SNTG1: variants seen among roughly 807,000 people sequenced by gnomAD.
The protein encoded by SNTG1 is syntrophin gamma 1.
In SNTG1, 39 loss-of-function variants were observed where a neutral mutation model predicts 74.7. The observed-to-expected ratio is 0.52, with a 90% CI of 0.40 to 0.68. The LOEUF (loss-of-function observed/expected upper bound fraction) is 0.68. Ranked by LOEUF, SNTG1 falls within the 30% of genes least tolerant of loss-of-function variation. SNTG1 has a pLI of 0.00. For synonymous variants in SNTG1, 254 were observed against 217.1 expected (o/e 1.17, Z -1.49); for missense variants, 685 against 609.5 (o/e 1.12, Z -1.30).
intron 1 of SNTG1, among the ~76,000 whole-genome samples, chr8:49,994,824 G>A (rs887603401): frequency 3.9e-5 from 6 of 151,932 alleles, no homozygotes; most frequent in Non-Finnish European, 8.8e-5. Flanking sequence ...GTACCTCAAA[G>A]GTAGAGAATT....
intron 1 of SNTG1, among the ~76,000 whole-genome samples, chr8:50,027,939 C>T (rs994705486): frequency 1.7e-4 from 26 of 152,070 alleles, no homozygotes; most frequent in African/African-American, 5.8e-4. Context: ...ACAGAATATC[C>T]AGCATACCCT....
chr8:50,364,418 A>G (rs930655267), intron 2 of SNTG1, among the ~76,000 whole-genome samples: 2 of 152,188 alleles, frequency 1.3e-5, no homozygotes, highest in African/African-American at 4.8e-5. Context: ...ATGACATCGT[A>G]ATTTCACACA....
intron 17 of SNTG1, among the ~76,000 whole-genome samples, chr8:50,727,520 A>G (rs901150538): frequency 6.6e-6 from 1 of 152,126 alleles, no homozygotes; most frequent in Non-Finnish European, 1.5e-5. Context: ...TTTTTATGCT[A>G]AAGTGGGCCC....
At chr8:49,970,618 A>G (rs1410799548) in intron 1 of SNTG1, among the ~76,000 whole-genome samples, 7 of 152,212 alleles carry the variant, frequency 4.6e-5, no homozygotes, top group African/African-American at 4.8e-5. Flanking sequence ...CCTCTATTCC[A>G]TAAGATCACT....
chr8:50,258,035 A>C (rs1035164804), intron 2 of SNTG1, among the ~76,000 whole-genome samples: 1 of 152,238 alleles, frequency 6.6e-6, no homozygotes, highest in Admixed American at 6.5e-5. Context: ...GCACATGAGC[A>C]GTAATATGTC....
chr8:50,239,086 T>A (rs2086051685), intron 2 of SNTG1, among the ~76,000 whole-genome samples: 1 of 152,166 alleles, frequency 6.6e-6, no homozygotes, highest in South Asian at 2.1e-4. Context: ...CTTGGAGATT[T>A]CTCAAGGAGC....
At chr8:50,178,659 G>C (rs1305756283) in intron 2 of SNTG1, among the ~76,000 whole-genome samples, 1 of 152,020 alleles carries the variant, frequency 6.6e-6, no homozygotes, top group Admixed American at 6.6e-5. Context: ...AGGTGTCCAT[G>C]AATTCTATAA....
chr8:50,578,193 T>G (rs2094587611), intron 12 of SNTG1, among the ~76,000 whole-genome samples: 1 of 152,188 alleles, frequency 6.6e-6, no homozygotes, highest in Non-Finnish European at 1.5e-5. Flanking sequence ...CAGATGGAAA[T>G]GTAGACCCAA....
At chr8:50,322,104 A>T (rs889905582) in intron 2 of SNTG1, among the ~76,000 whole-genome samples, 1 of 118,752 alleles carries the variant, frequency 8.4e-6, no homozygotes, top group Admixed American at 9.4e-5. Flanking sequence ...AATTGCCTTT[A>T]GCATTTCTTC....
intron 2 of SNTG1, among the ~76,000 whole-genome samples, chr8:50,296,294 C>A (rs909430178): frequency 1.3e-5 from 2 of 152,182 alleles, no homozygotes; most frequent in African/African-American, 4.8e-5. Context: ...AATTATTCTA[C>A]TATAAAGACA....
intron 17 of SNTG1, among the ~76,000 whole-genome samples, chr8:50,725,646 G>A (rs2095498330): frequency 6.6e-6 from 1 of 152,206 alleles, no homozygotes; most frequent in South Asian, 2.1e-4. Flanking sequence ...ATTGCCTGAT[G>A]CCAGAGGACA....
chr8:50,344,992 T>C (rs1472412146), intron 2 of SNTG1, among the ~76,000 whole-genome samples: 1 of 152,128 alleles, frequency 6.6e-6, no homozygotes, highest in African/African-American at 2.4e-5. Flanking sequence ...GGACAGGCCA[T>C]GTGAGGACAC....
At chr8:50,295,176 A>G (rs976136506) in intron 2 of SNTG1, among the ~76,000 whole-genome samples, 7 of 152,220 alleles carry the variant, frequency 4.6e-5, no homozygotes, top group Non-Finnish European at 7.3e-5. Flanking sequence ...AGGACAAAGT[A>G]CATTCTTAAG....
chr8:50,136,061 T>G (rs1328219669), intron 1 of SNTG1, among the ~76,000 whole-genome samples: 1 of 152,208 alleles, frequency 6.6e-6, no homozygotes, highest in African/African-American at 2.4e-5. Context: ...GCTTCACCCA[T>G]GTTGCTGCAA....
Position 50,016,645 on chromosome 8 carries a change from A to T in SNTG1, c.-103+104414A>T, listed in dbSNP as rs140761597. On this transcript the variant is annotated intron_variant, in intron 1 of 18. Transcript: ENST00000642720. ...TGCAAGTTGTCTCTCCTGATTTATA[A>T]CCCATTTTGAACTTGAATAAGAAAA... 3.6e-3 allele frequency among the ~76,000 whole-genome samples: 548 copies of T among 152,246 alleles called. 7 individuals are homozygous for T. The highest frequency in any genetic ancestry group is 0.023 in the Admixed American group (347 of 15,256).
At chr8:50,105,031 CTTT>C (rs1246701078) in intron 1 of SNTG1, among the ~76,000 whole-genome samples, 4 of 151,926 alleles carry the variant, frequency 2.6e-5, no homozygotes, top group Non-Finnish European at 4.4e-5. Flanking sequence ...CTGCAGAAGC[CTTT>C]TAATTTAATT....
chr8:50,611,302 A>G (rs2094848177), intron 13 of SNTG1, among the ~76,000 whole-genome samples: 1 of 152,152 alleles, frequency 6.6e-6, no homozygotes. Flanking sequence ...TGATAGAAGG[A>G]CTTCAACAGG....
intron 13 of SNTG1, among the ~76,000 whole-genome samples, chr8:50,635,355 C>T (rs988168498): frequency 1.3e-5 from 2 of 152,110 alleles, no homozygotes; most frequent in Admixed American, 1.3e-4. Flanking sequence ...GGTCAGCCAG[C>T]CTTGTGTCTT....
intron 2 of SNTG1, among the ~76,000 whole-genome samples, chr8:50,204,721 C>A (rs892848591): frequency 6.6e-6 from 1 of 151,956 alleles, no homozygotes; most frequent in Non-Finnish European, 1.5e-5. Flanking sequence ...CCTCCCCACT[C>A]CCCCAACCCC....
Sources: gnomAD v4.1 joint callset for allele counts (sites outside exome capture counted in the v4.1 genomes callset) on GRCh38, gnomAD v4.1.1 for gene constraint, MANE v1.5 for transcripts, NCBI Gene and HGNC (gene_info 2026-07-23, HGNC 2026-07-21) for gene names.